The following SNRPF variants were observed in gnomAD, a reference collection of about 807,000 sequenced individuals.
SNRPF encodes small nuclear ribonucleoprotein polypeptide F, also known as small nuclear ribonucleoprotein F.
Under a neutral mutation model 13.4 loss-of-function variants are expected in SNRPF, and 1 was observed. The ratio of observed to expected loss-of-function variants is 0.07; its 90% CI spans 0.03 to 0.35. The LOEUF (loss-of-function observed/expected upper bound fraction) is 0.35, where lower values mean the gene tolerates loss of function less well. Among genes scored for constraint, SNRPF ranks in the 10% least tolerant of loss-of-function variants. SNRPF has a pLI of 0.99. For synonymous variants in SNRPF, 27 were observed against 32.1 expected (o/e 0.84, Z 0.54); for missense variants, 53 against 101.0 (o/e 0.52, Z 2.04).
rs532629098 is a variant in SNRPF at position 95,865,479 on chromosome 12, CT to C, written c.194+99del. The stretch of plus-strand genomic sequence containing the variant: ...TATTAGTGCCTCAATTTTGGAATTA[CT>C]TTTTTTTAAAAAATCACTATTATAA... On this transcript the variant is annotated intron_variant, in intron 3 of 3. Coordinates refer to ENST00000266735, the MANE Select transcript of SNRPF (RefSeq NM_003095.5). The C allele has an allele frequency of 2.9e-4, 170 of 594,202 alleles. 1 individual carries two copies. The East Asian group carries it at 3.7e-3, about 13-fold the overall frequency. The allele number at this position is 594,202 out of a possible 1,614,324, so 36.8% of individuals were successfully genotyped here.
In SNRPF at chr12:95,858,958, G is replaced by T. The variant is rs1209038884; in HGVS notation, c.-116G>T. 1.4e-6 allele frequency: 2 copies of T among 1,463,036 alleles called. No homozygotes were observed. The highest frequency in any genetic ancestry group is 1.4e-5 in the African/African-American group (1 of 72,146). 90.6% of individuals were successfully genotyped at this position (1,463,036 alleles called of 1,614,324 possible). A position where few individuals can be genotyped will look rare whatever the true frequency, so the allele number is the denominator to read the frequency against. ...GAGGTGAAAGGTCATAGTCCTGTTT[G>T]GCGGCCATTTCTCTTGAAACTGCGG... On this transcript the variant is annotated 5_prime_UTR_variant, in exon 1 of 4. Coordinates refer to ENST00000266735, the MANE Select transcript of SNRPF (RefSeq NM_003095.5).
chr12:95,863,482 G>A (rs1391038981), intron 2 of SNRPF, among the ~76,000 whole-genome samples: 1 of 152,198 alleles, frequency 6.6e-6, no homozygotes. Flanking sequence ...AAATGTCTGA[G>A]TAACCAACCA....
intron 1 of SNRPF, among the ~76,000 whole-genome samples, chr12:95,859,604 T>G (rs1408994315): frequency 6.6e-6 from 1 of 152,202 alleles, no homozygotes; most frequent in African/African-American, 2.4e-5. Context: ...ACTCGAAGCC[T>G]AAGTGTCATG....
chr12:95,864,405 A>T (rs1268699133), intron 2 of SNRPF, among the ~76,000 whole-genome samples: 2 of 152,262 alleles, frequency 1.3e-5, no homozygotes, highest in Admixed American at 6.5e-5. Flanking sequence ...AAGGAAAGCT[A>T]AACATTTTGA....
At chr12:95,861,052 TA>T in intron 1 of SNRPF, 115 bp from the exon 2 acceptor site, 1 of 815,886 alleles carries the variant, frequency 1.2e-6, no homozygotes, top group Non-Finnish European at 1.9e-6. Flanking sequence ...ACTAAAATAA[TA>T]AGGAGTCAAA....
chr12:95,861,646 T>C (rs1366572283), intron 2 of SNRPF: 2 of 225,146 alleles, frequency 8.9e-6, no homozygotes, highest in African/African-American at 4.8e-5. Flanking sequence ...TTGAGTCTTT[T>C]AATGAATGCT....
Position 95,859,024 on chromosome 12 carries a change from C to G in SNRPF, c.-50C>G, listed in dbSNP as rs1197193666. ...ACCTGCTGTAGTCACGAGGGACGGGCGGCGGCCTGGTCGGCAGAGAGTAGC... is the reference window on the plus strand; with the variant it reads ...ACCTGCTGTAGTCACGAGGGACGGGGGGCGGCCTGGTCGGCAGAGAGTAGC... On this transcript the variant is annotated 5_prime_UTR_variant, in exon 1 of 4. Coordinates refer to ENST00000266735, the MANE Select transcript of SNRPF (RefSeq NM_003095.5). 7 of 1,609,170 alleles carry G rather than the reference C, an allele frequency of 4.4e-6. No individual in the cohort carries two copies. In the South Asian group the frequency reaches 5.6e-5, roughly 13 times the overall value.
intron 1 of SNRPF, among the ~76,000 whole-genome samples, chr12:95,859,503 T>C (rs1049171445): frequency 5.3e-5 from 8 of 152,078 alleles, no homozygotes; most frequent in African/African-American, 1.9e-4. Context: ...AAATAATAAG[T>C]GCTAAGAACA....
At chr12:95,859,200 C>A in intron 1 of SNRPF, 124 bp downstream of exon 1, 1 of 829,828 alleles carries the variant, frequency 1.2e-6, no homozygotes, top group South Asian at 1.5e-5. Flanking sequence ...CGCACCCTGT[C>A]GCCAGCTCCT....
chr12:95,858,958 G>A lies in SNRPF; in HGVS notation c.-116G>A, dbSNP rs1209038884. 1 of 1,463,036 alleles carries A rather than the reference G, an allele frequency of 6.8e-7. No homozygotes were observed. Among genetic ancestry groups the A allele is most frequent in the African/African-American group, 1.4e-5 (1 of 72,146 alleles). The allele number at this position is 1,463,036 out of a possible 1,614,324, so 90.6% of individuals were successfully genotyped here. ...GAGGTGAAAGGTCATAGTCCTGTTT[G>A]GCGGCCATTTCTCTTGAAACTGCGG... On this transcript the variant is annotated 5_prime_UTR_variant, in exon 1 of 4. Transcript: ENST00000266735.
intron 1 of SNRPF, 144 bp downstream of exon 1, chr12:95,859,220 C>CT: frequency 1.5e-6 from 1 of 655,634 alleles, no homozygotes; most frequent in Non-Finnish European, 2.6e-6. Context: ...TTTCACTCTG[C>CT]TTTTAGGTTT....
chr12:95,859,446 G>A (rs2079483269), intron 1 of SNRPF, among the ~76,000 whole-genome samples: 1 of 152,176 alleles, frequency 6.6e-6, no homozygotes, highest in East Asian at 1.9e-4. Flanking sequence ...AACTCACTTG[G>A]GTGGGGAAGA....
chr12:95,863,905 G>A (rs566869703), intron 2 of SNRPF, among the ~76,000 whole-genome samples: 63 of 152,304 alleles, frequency 4.1e-4, no homozygotes, highest in African/African-American at 1.4e-3. Context: ...GTTAAGGGAC[G>A]AATGACAGAA....
At position 95,862,544 on chromosome 12, in the gene SNRPF, C is replaced by CT. The variant is rs1245356943; in HGVS notation, c.129+1252dup. On this transcript the variant is annotated intron_variant, in intron 2 of 3. Transcript: ENST00000266735. Reference sequence around the variant, plus strand: ...CCTGGGCAACATAGTGAAACTGCATCTCTACAAAAAAAATACAAAAACTAG... The same window carrying CT: ...CCTGGGCAACATAGTGAAACTGCATCTTCTACAAAAAAAATACAAAAACTAG... Among the ~76,000 whole-genome samples, 8 of 152,118 alleles carry CT rather than the reference C, an allele frequency of 5.3e-5. No individual in the cohort carries two copies. In the East Asian group the frequency reaches 1.5e-3, roughly 29 times the overall value.
chr12:95,865,855 T>C, intron 3 of SNRPF, 150 bp from the exon 4 acceptor site: 1 of 352,074 alleles, frequency 2.8e-6, no homozygotes, highest in Non-Finnish European at 5.2e-6. Context: ...TATGTGAAAC[T>C]TTTTTTTAAA....
At chr12:95,863,540 C>T (rs920041510) in intron 2 of SNRPF, among the ~76,000 whole-genome samples, 1 of 152,184 alleles carries the variant, frequency 6.6e-6, no homozygotes, top group Non-Finnish European at 1.5e-5. Context: ...TTTGTTCACT[C>T]AGCAAATATT....
intron 2 of SNRPF, among the ~76,000 whole-genome samples, chr12:95,863,074 A>G (rs2079503649): frequency 6.6e-6 from 1 of 152,204 alleles, no homozygotes; most frequent in Non-Finnish European, 1.5e-5. Context: ...TGGTCAATCC[A>G]ATCATGAATC....
rs1289524165 is a variant in SNRPF at position 95,858,988 on chromosome 12, G to C, written c.-86G>C. 3 of 1,591,308 alleles carry C rather than the reference G, an allele frequency of 1.9e-6. No individual in the cohort carries two copies. The highest frequency in any genetic ancestry group is 2.6e-6 in the Non-Finnish European group (3 of 1,170,650). On this transcript the variant is annotated 5_prime_UTR_variant, in exon 1 of 4. Transcript: ENST00000266735. ...CCATTTCTCTTGAAACTGCGGCTCGGGACCTGCGGTACCTGCTGTAGTCAC... is the reference window on the plus strand; with the variant it reads ...CCATTTCTCTTGAAACTGCGGCTCGCGACCTGCGGTACCTGCTGTAGTCAC...
intron 1 of SNRPF, among the ~76,000 whole-genome samples, chr12:95,859,461 C>T (rs1232824529): frequency 1.3e-5 from 2 of 152,184 alleles, no homozygotes; most frequent in Non-Finnish European, 2.9e-5. Context: ...GGAAGACAGA[C>T]ATTAGTCAAA....
Sources: gnomAD v4.1 joint callset for allele counts (sites outside exome capture counted in the v4.1 genomes callset) on GRCh38, gnomAD v4.1.1 for gene constraint, MANE v1.5 for transcripts, NCBI Gene and HGNC (gene_info 2026-07-23, HGNC 2026-07-21) for gene names.